The following POT1 variants were observed in gnomAD, a reference collection of about 807,000 sequenced individuals.
POT1 encodes protection of telomeres protein 1.
In POT1, 47 loss-of-function variants were observed where a neutral mutation model predicts 78.5. The observed-to-expected ratio is 0.60, with a 90% CI of 0.47 to 0.76. The LOEUF (loss-of-function observed/expected upper bound fraction) is 0.76, where lower values mean the gene tolerates loss of function less well. Among genes scored for constraint, POT1 ranks in the 30% least tolerant of loss-of-function variants. The probability of loss-of-function intolerance (pLI) is 0.00; values close to 1 mark genes in which losing one functional copy is unlikely to be tolerated. For missense variants in POT1, 646 were observed against 749.9 expected (o/e 0.86, Z 1.62); for synonymous variants, 259 against 260.7 (o/e 0.99, Z 0.06).
intron 6 of POT1, among the ~76,000 whole-genome samples, chr7:124,874,338 C>A (rs186492954): frequency 7.6e-4 from 116 of 152,010 alleles, no homozygotes; most frequent in Middle Eastern, 6.8e-3. Context: ...AAGGGGAGGG[C>A]GTATTAGAGA....
intron 7 of POT1, among the ~76,000 whole-genome samples, chr7:124,864,272 AT>A (rs1025363987): frequency 1.2e-4 from 18 of 151,652 alleles, no homozygotes; most frequent in Non-Finnish European, 1.8e-4. Flanking sequence ...TACTTTGCAC[AT>A]TTTTTTTCCT....
chr7:124,846,162 G>GACACACACACAC (rs60301966), intron 12 of POT1, among the ~76,000 whole-genome samples: 31,514 of 148,546 alleles, frequency 0.21, 3,832 homozygotes, highest in Non-Finnish European at 0.29. Context: ...CATTCATACT[G>GACACACACACAC]ACACACACAC....
At chr7:124,883,011 G>A (rs574284519) in intron 6 of POT1, among the ~76,000 whole-genome samples, 36 of 152,034 alleles carry the variant, frequency 2.4e-4, no homozygotes, top group African/African-American at 6.5e-4. Context: ...AGCTGAAGAG[G>A]GGAGGCTTGT....
intron 7 of POT1, among the ~76,000 whole-genome samples, chr7:124,867,281 AC>A (rs1456512603): frequency 9.9e-4 from 87 of 88,006 alleles, no homozygotes; most frequent in African/African-American, 3.7e-3. Flanking sequence ...TTCTTCAACA[AC>A]CCATCTGTTA....
At chr7:124,904,669 T>A (rs1247515934) in intron 3 of POT1, among the ~76,000 whole-genome samples, 2 of 152,154 alleles carry the variant, frequency 1.3e-5, no homozygotes, top group East Asian at 3.9e-4. Context: ...GAGAAAGAAA[T>A]AAAGGGTATT....
intron 6 of POT1, among the ~76,000 whole-genome samples, chr7:124,889,559 T>C (rs1796319415): frequency 1.3e-5 from 2 of 152,024 alleles, no homozygotes; most frequent in South Asian, 4.1e-4. Context: ...TCTAGGACCT[T>C]CACAACTATG....
At chr7:124,845,308 C>T (rs115215230) in intron 12 of POT1, among the ~76,000 whole-genome samples, 2,595 of 152,224 alleles carry the variant, frequency 0.017, 70 homozygotes, top group African/African-American at 0.059. Context: ...AATAAGTCCT[C>T]GGCTTTTCTT....
chr7:124,904,319 T>C lies in POT1; in HGVS notation c.-153-5945A>G, dbSNP rs560933006. 7.2e-5 allele frequency among the ~76,000 whole-genome samples: 11 copies of C among 152,230 alleles called. No homozygotes were observed. The South Asian group carries it at 2.3e-3, about 32-fold the overall frequency. On this transcript the variant is annotated intron_variant, in intron 3 of 18. Coordinates refer to ENST00000357628, the MANE Select transcript of POT1 (RefSeq NM_015450.3). ...AGCAGAATCAAGTTGGCTTCATCCC[T>C]GGGATCCAAGGCTGGTTCAACATAC...
chr7:124,893,242 G>C (rs1298756926), intron 5 of POT1, among the ~76,000 whole-genome samples: 2 of 151,198 alleles, frequency 1.3e-5, no homozygotes, highest in Non-Finnish European at 3.0e-5. Context: ...TTTGAAACTT[G>C]TGGTACAATT....
chr7:124,842,888 C>A lies in POT1; in HGVS notation c.1082G>T (p.Arg361Leu), dbSNP rs778352298. Residue 361 changes from arginine to leucine, a missense_variant, in exon 13 of 19, where the codon CGC (arginine) becomes CTC (leucine). Transcript: ENST00000357628. Reference sequence around the variant, plus strand: ...ATATGACCTCAATTTTGCTCGGATGCGGTATTGTTGAGGAGCTTTTTGTTT... The same window carrying A: ...ATATGACCTCAATTTTGCTCGGATGAGGTATTGTTGAGGAGCTTTTTGTTT... ...ILKQKAPQQY[R>L]IRAKLRSYKP... The A allele has an allele frequency of 6.2e-7, 1 of 1,610,418 alleles. No homozygotes were observed. Among genetic ancestry groups the A allele is most frequent in the Non-Finnish European group, 8.5e-7 (1 of 1,178,480 alleles).
chr7:124,833,308 G>A (rs938956449), intron 15 of POT1, among the ~76,000 whole-genome samples: 1 of 152,016 alleles, frequency 6.6e-6, no homozygotes, highest in Non-Finnish European at 1.5e-5. Flanking sequence ...CAATTAGGGA[G>A]GTATCATGCT....
chr7:124,854,702 T>A (rs1033514574), intron 9 of POT1, among the ~76,000 whole-genome samples: 11 of 150,832 alleles, frequency 7.3e-5, no homozygotes, highest in Non-Finnish European at 1.5e-4. Context: ...AACCAGGGAG[T>A]AGTATAAAGA....
chr7:124,863,789 G>C lies in POT1; in HGVS notation c.256-149C>G, dbSNP rs1795657827. On this transcript the variant is annotated intron_variant, in intron 7 of 18. Transcript: ENST00000357628. ...TTAAAAACTATTTTTCATTTAATTAGCATGTAAATTCTACACTCAAGTGCT... is the reference window on the plus strand; with the variant it reads ...TTAAAAACTATTTTTCATTTAATTACCATGTAAATTCTACACTCAAGTGCT... 4 of 636,908 alleles carry C rather than the reference G, an allele frequency of 6.3e-6. No individual in the cohort carries two copies. In the South Asian group the frequency reaches 8.1e-5, roughly 13 times the overall value. 39.5% of individuals were successfully genotyped at this position (636,908 alleles called of 1,614,324 possible).
chr7:124,853,915 C>T (rs1795379415), intron 9 of POT1, among the ~76,000 whole-genome samples: 2 of 151,742 alleles, frequency 1.3e-5, no homozygotes, highest in African/African-American at 4.8e-5. Flanking sequence ...GCTATATAAC[C>T]TAAATCACAT....
At chr7:124,863,798 T>C (rs1795658060) in intron 7 of POT1, among the ~76,000 whole-genome samples, 158 bp from the exon 8 acceptor site, 1 of 152,142 alleles carries the variant, frequency 6.6e-6, no homozygotes, top group African/African-American at 2.4e-5. Flanking sequence ...AGCATGTAAA[T>C]TCTACACTCA....
chr7:124,837,183 T>C (rs1794918477), intron 14 of POT1: 1 of 292,084 alleles, frequency 3.4e-6, no homozygotes, highest in South Asian at 3.1e-5. Context: ...TCCTCTTCTG[T>C]TTACAAAGGG....
chr7:124,869,895 AT>A, intron 7 of POT1, among the ~76,000 whole-genome samples: 1 of 152,010 alleles, frequency 6.6e-6, no homozygotes. Flanking sequence ...TAATATTTCT[AT>A]TTCTTTTTAT....
chr7:124,911,364 TA>T (rs1796885790), intron 3 of POT1, among the ~76,000 whole-genome samples: 1 of 152,172 alleles, frequency 6.6e-6, no homozygotes, highest in Non-Finnish European at 1.5e-5. Flanking sequence ...TTTTCTGTTT[TA>T]TTTCCTAGTG....
chr7:124,865,483 G>T (rs1241199400), intron 7 of POT1, among the ~76,000 whole-genome samples: 1 of 151,848 alleles, frequency 6.6e-6, no homozygotes, highest in Non-Finnish European at 1.5e-5. Context: ...TTGTTCTTCA[G>T]ATTAGGTAGC....
Sources: gnomAD v4.1 joint callset for allele counts (sites outside exome capture counted in the v4.1 genomes callset) on GRCh38, gnomAD v4.1.1 for gene constraint, MANE v1.5 for transcripts, NCBI Gene and HGNC (gene_info 2026-07-23, HGNC 2026-07-21) for gene names.